The following OPCML variants were observed in gnomAD, a reference collection of about 807,000 sequenced individuals.
OPCML encodes opioid binding protein/cell adhesion molecule like.
A neutral mutation model predicts 37.8 loss-of-function variants in OPCML; 13 were observed. The ratio of observed to expected loss-of-function variants is 0.34; its 90% confidence interval spans 0.22 to 0.55. The LOEUF (loss-of-function observed/expected upper bound fraction) is 0.55. Among genes scored for constraint, OPCML ranks in the 20% least tolerant of loss-of-function variants. The pLI is 0.91. For missense variants in OPCML, 341 were observed against 435.6 expected (o/e 0.78, Z 1.93); for synonymous variants, 176 against 168.8 (o/e 1.04, Z -0.33).
chr11:132,762,144 C>T (rs1274950471), intron 2 of OPCML, among the ~76,000 whole-genome samples: 1 of 152,234 alleles, frequency 6.6e-6, no homozygotes, highest in South Asian at 2.1e-4. Flanking sequence ...GCGGGAGCTG[C>T]AGAACAGCGA....
At chr11:132,995,609 C>T (rs1946869146) in intron 1 of OPCML, among the ~76,000 whole-genome samples, 2 of 151,858 alleles carry the variant, frequency 1.3e-5, no homozygotes, top group Non-Finnish European at 2.9e-5. Context: ...AAATAAATGC[C>T]AAAAATCTAC....
chr11:132,660,320 T>C (rs1280049411), intron 2 of OPCML, among the ~76,000 whole-genome samples: 1 of 152,208 alleles, frequency 6.6e-6, no homozygotes. Flanking sequence ...CCAAGATATA[T>C]GCCAAAAATC....
At chr11:132,578,788 A>T (rs2096456248) in intron 3 of OPCML, among the ~76,000 whole-genome samples, 1 of 152,168 alleles carries the variant, frequency 6.6e-6, no homozygotes. Context: ...TTGAACACCC[A>T]TTAGGGAGCA....
chr11:133,087,458 GTC>G (rs1279904582), intron 1 of OPCML, among the ~76,000 whole-genome samples: 1 of 152,118 alleles, frequency 6.6e-6, no homozygotes, highest in Non-Finnish European at 1.5e-5. Context: ...CCTTCTAGAA[GTC>G]CCCAGGGTCT....
At chr11:133,441,421 T>A (rs1027878688) in intron 1 of OPCML, among the ~76,000 whole-genome samples, 1 of 152,204 alleles carries the variant, frequency 6.6e-6, no homozygotes, top group Non-Finnish European at 1.5e-5. Flanking sequence ...TTTATTTTTG[T>A]TAAGGTATAG....
intron 3 of OPCML, among the ~76,000 whole-genome samples, chr11:132,559,064 G>A (rs957576155): frequency 6.6e-6 from 1 of 151,874 alleles, no homozygotes; most frequent in African/African-American, 2.4e-5. Flanking sequence ...TTTAGTTTGA[G>A]AAATGGGAGA....
At chr11:133,192,875 T>C (rs7110447) in intron 1 of OPCML, among the ~76,000 whole-genome samples, 21,078 of 151,786 alleles carry the variant, frequency 0.14, 1,714 homozygotes, top group Middle Eastern at 0.19. Flanking sequence ...CTTTTCTTTT[T>C]TTTTTTTTTC....
In OPCML at chr11:133,269,585, A is replaced by G. The variant is rs557160853; in HGVS notation, c.61+262679T>C. Among the ~76,000 whole-genome samples, 36 of 152,342 alleles carry G rather than the reference A, an allele frequency of 2.4e-4. No homozygotes were observed. In the South Asian group the frequency reaches 6.8e-3, roughly 29 times the overall value. ...TCATGTTTTTTCTTTTTCTGGTTGA[A>G]AAAATGATGAACACTGTGAATTTCA... On this transcript the variant is annotated intron_variant, in intron 1 of 7. Transcript: ENST00000524381.
intron 1 of OPCML, among the ~76,000 whole-genome samples, chr11:133,412,078 GA>G (rs1164397556): frequency 6.6e-6 from 1 of 152,186 alleles, no homozygotes; most frequent in Non-Finnish European, 1.5e-5. Context: ...CTAATTTGAG[GA>G]GAATGCAACA....
In OPCML at chr11:133,047,691, C is replaced by T. The variant is rs1948045934; in HGVS notation, c.62-104681G>A. 2.0e-5 allele frequency among the ~76,000 whole-genome samples: 3 copies of T among 152,342 alleles called. No homozygotes were observed. The South Asian group carries it at 6.2e-4, about 32-fold the overall frequency. On this transcript the variant is annotated intron_variant, in intron 1 of 7. Coordinates refer to ENST00000524381, the MANE Select transcript of OPCML (RefSeq NM_001012393.5). ...CCCTCCTCCGTCTCTCTGCCACTTC[C>T]ATCCCCAGCCCACTCCTCAGGGAGC...
intron 1 of OPCML, among the ~76,000 whole-genome samples, chr11:133,155,381 A>G (rs1321512819): frequency 6.6e-6 from 1 of 152,126 alleles, no homozygotes; most frequent in Non-Finnish European, 1.5e-5. Flanking sequence ...GTAAATTTCA[A>G]AAGATCATTT....
chr11:132,647,859 G>C (rs973830339), intron 3 of OPCML, among the ~76,000 whole-genome samples: 4 of 152,166 alleles, frequency 2.6e-5, no homozygotes, highest in Non-Finnish European at 5.9e-5. Flanking sequence ...CTGTTTTCCT[G>C]GTGATTATTT....
chr11:133,002,509 T>C (rs1947023532), intron 1 of OPCML, among the ~76,000 whole-genome samples: 1 of 152,218 alleles, frequency 6.6e-6, no homozygotes, highest in Non-Finnish European at 1.5e-5. Context: ...GTTCTTGCTT[T>C]CTTTATCTAT....
intron 1 of OPCML, among the ~76,000 whole-genome samples, chr11:133,059,559 A>G (rs1401911530): frequency 6.6e-6 from 1 of 152,212 alleles, no homozygotes; most frequent in Non-Finnish European, 1.5e-5. Flanking sequence ...CGCCAGTTTC[A>G]CTTAAGAATG....
At chr11:132,916,578 C>A (rs1008942023) in intron 2 of OPCML, among the ~76,000 whole-genome samples, 32 of 152,038 alleles carry the variant, frequency 2.1e-4, no homozygotes, top group Admixed American at 1.8e-3. Flanking sequence ...GAAGATGCAC[C>A]ATGAGGATAT....
chr11:132,974,808 AT>A (rs747890812), intron 1 of OPCML, among the ~76,000 whole-genome samples: 1 of 151,522 alleles, frequency 6.6e-6, no homozygotes, highest in African/African-American at 2.4e-5. Flanking sequence ...TTGTCCTTTG[AT>A]TTTCTCCTAG....
chr11:133,336,872 C>T (rs186892116), intron 1 of OPCML, among the ~76,000 whole-genome samples: 2 of 152,310 alleles, frequency 1.3e-5, no homozygotes, highest in Non-Finnish European at 2.9e-5. Flanking sequence ...TCTCCAGAAG[C>T]TCAAGGGCAG....
intron 1 of OPCML, among the ~76,000 whole-genome samples, chr11:133,158,142 G>C (rs1950088141): frequency 6.6e-6 from 1 of 152,170 alleles, no homozygotes; most frequent in African/African-American, 2.4e-5. Flanking sequence ...TCTATTTGGG[G>C]CTTTACCGAC....
intron 1 of OPCML, among the ~76,000 whole-genome samples, chr11:133,463,753 T>C (rs117505821): frequency 0.011 from 1,747 of 152,140 alleles, 12 homozygotes; most frequent in Non-Finnish European, 0.016. Context: ...GGCCAAGAAG[T>C]AGTTTAGACC....
Sources: gnomAD v4.1 joint callset for allele counts (sites outside exome capture counted in the v4.1 genomes callset) on GRCh38, gnomAD v4.1.1 for gene constraint, MANE v1.5 for transcripts, NCBI Gene and HGNC (gene_info 2026-07-23, HGNC 2026-07-21) for gene names.